Variants in REDIC1 observed in about 807,000 individuals in gnomAD.
The protein encoded by REDIC1 is regulator of DNA class I crossover intermediates 1, also known as HEI10 Interacting Protein 1.
chr12:39,790,165 G>C, the REDIC1 span, among the ~76,000 whole-genome samples: 2 of 144,150 alleles, frequency 1.4e-5, no homozygotes, highest in Admixed American at 1.4e-4. Flanking sequence ...ATTTATCATT[G>C]AAGAAAGAAT....
At chr12:39,895,785 CGTACACACATGTATATGCGT>C in the REDIC1 span, among the ~76,000 whole-genome samples, 141 of 9,920 alleles carry the variant, frequency 0.014, 56 homozygotes, top group Non-Finnish European at 0.03. Flanking sequence ...TGCGTGTATA[CGTACACACATGTATATGCGT>C]GTATACGTAC....
At chr12:39,712,699 GTATATATGTATATAGACGTATACGTGTA>G in the REDIC1 span, among the ~76,000 whole-genome samples, 7 of 4,088 alleles carry the variant, frequency 1.7e-3, no homozygotes, top group African/African-American at 0.011. Context: ...ACGTATACGT[GTATATATGTATATAGACGTATACGTGTA>G]TATATGTATA....
At chr12:39,720,618 T>A in the REDIC1 span, among the ~76,000 whole-genome samples, 1 of 152,160 alleles carries the variant, frequency 6.6e-6, no homozygotes, top group Non-Finnish European at 1.5e-5. Flanking sequence ...AGATTATTGG[T>A]TGAAGACTCT....
At chr12:39,704,282 A>C in the REDIC1 span, among the ~76,000 whole-genome samples, 1 of 152,248 alleles carries the variant, frequency 6.6e-6, no homozygotes, top group African/African-American at 2.4e-5. Flanking sequence ...GACACTTCTC[A>C]AAAGAAGACA....
chr12:39,693,088 G>A, the REDIC1 span, among the ~76,000 whole-genome samples: 4 of 152,034 alleles, frequency 2.6e-5, no homozygotes, highest in Non-Finnish European at 5.9e-5. Flanking sequence ...CTTTTCTGAA[G>A]TTTGGTTTTC....
chr12:39,785,673 C>T, the REDIC1 span, among the ~76,000 whole-genome samples: 4,586 of 152,218 alleles, frequency 0.03, 239 homozygotes, highest in African/African-American at 0.11. Flanking sequence ...AGACACTCAA[C>T]GCCAGCCCGT....
At chr12:39,659,947 A>T in the REDIC1 span, among the ~76,000 whole-genome samples, 1 of 152,052 alleles carries the variant, frequency 6.6e-6, no homozygotes, top group South Asian at 2.1e-4. Flanking sequence ...GCTTGCTTTT[A>T]AATTTTGTCA....
the REDIC1 span, among the ~76,000 whole-genome samples, chr12:39,858,999 C>G: frequency 1.3e-5 from 2 of 152,138 alleles, no homozygotes; most frequent in South Asian, 4.1e-4. Context: ...TTAAATAACA[C>G]AAGGCTGGCA....
chr12:39,882,057 G>C, the REDIC1 span, among the ~76,000 whole-genome samples: 1 of 151,974 alleles, frequency 6.6e-6, no homozygotes, highest in African/African-American at 2.4e-5. Flanking sequence ...ATTCCCCACT[G>C]ACATAATATG....
chr12:39,797,032 A>G, the REDIC1 span, among the ~76,000 whole-genome samples: 10 of 152,220 alleles, frequency 6.6e-5, no homozygotes, highest in Non-Finnish European at 1.5e-4. Context: ...TATTTTAAAA[A>G]ACTTATAATT....
chr12:39,719,006 A>T, the REDIC1 span, among the ~76,000 whole-genome samples: 1 of 152,192 alleles, frequency 6.6e-6, no homozygotes, highest in Non-Finnish European at 1.5e-5. Context: ...CATAAAAGCT[A>T]CATTTTTAAT....
the REDIC1 span, among the ~76,000 whole-genome samples, chr12:39,691,389 T>C: frequency 6.6e-6 from 1 of 152,144 alleles, no homozygotes; most frequent in African/African-American, 2.4e-5. Flanking sequence ...ATGATATGTA[T>C]GCAAACATAA....
the REDIC1 span, among the ~76,000 whole-genome samples, chr12:39,704,194 C>T: frequency 6.6e-6 from 1 of 151,754 alleles, no homozygotes; most frequent in East Asian, 1.9e-4. Flanking sequence ...GGCTAATATC[C>T]AGAATCTACA....
chr12:39,715,068 A>G, the REDIC1 span, among the ~76,000 whole-genome samples: 3 of 151,846 alleles, frequency 2.0e-5, no homozygotes, highest in Admixed American at 1.3e-4. Flanking sequence ...CTTTAGTTTA[A>G]TTAGGTCCCA....
At chr12:39,867,457 AAAAAACAAAAAC>A in the REDIC1 span, among the ~76,000 whole-genome samples, 1 of 152,132 alleles carries the variant, frequency 6.6e-6, no homozygotes, top group Non-Finnish European at 1.5e-5. Context: ...CTATTTTTGA[AAAAAACAAAAAC>A]AAAAACAAAA....
At chr12:39,793,077 C>A in the REDIC1 span, among the ~76,000 whole-genome samples, 1 of 152,100 alleles carries the variant, frequency 6.6e-6, no homozygotes, top group Non-Finnish European at 1.5e-5. Flanking sequence ...TTACAGTTTG[C>A]AAACACTACC....
the REDIC1 span, among the ~76,000 whole-genome samples, chr12:39,674,847 T>C: frequency 6.6e-6 from 1 of 152,158 alleles, no homozygotes; most frequent in Admixed American, 6.5e-5. Flanking sequence ...GAAAGAAGCT[T>C]CTGACTGAAC....
chr12:39,873,216 A>C, the REDIC1 span, among the ~76,000 whole-genome samples: 1 of 152,180 alleles, frequency 6.6e-6, no homozygotes. Context: ...TACTGATCAC[A>C]CTAAAAAGCT....
the REDIC1 span, among the ~76,000 whole-genome samples, chr12:39,779,580 CTT>C: frequency 1.3e-5 from 2 of 152,132 alleles, no homozygotes; most frequent in African/African-American, 4.8e-5. Flanking sequence ...AATTAAAACA[CTT>C]TTTTTGCTTC....
Sources: gnomAD v4.1 joint callset for allele counts (sites outside exome capture counted in the v4.1 genomes callset) on GRCh38, gnomAD v4.1.1 for gene constraint, MANE v1.5 for transcripts, NCBI Gene and HGNC (gene_info 2026-07-23, HGNC 2026-07-21) for gene names.